Variants in CCDC171 observed in about 807,000 individuals in gnomAD.
CCDC171 encodes coiled-coil domain containing 171, also known as coiled-coil domain-containing protein 171.
A neutral mutation model predicts 168.2 loss-of-function variants in CCDC171; 177 were observed. The ratio of observed to expected loss-of-function variants is 1.05; its 90% confidence interval spans 0.93 to 1.19. The LOEUF is 1.19. CCDC171 is among the 50% of genes most tolerant of loss of function. CCDC171 has a pLI of 0.00. For synonymous variants in CCDC171, 687 were observed against 540.8 expected (o/e 1.27, Z -3.75); for missense variants, 1,991 against 1,539.0 (o/e 1.29, Z -4.91).
chr9:16,031,558 A>G (rs1833364177), intron 6 of CCDC171, among the ~76,000 whole-genome samples: 1 of 152,218 alleles, frequency 6.6e-6, no homozygotes, highest in Admixed American at 6.5e-5. Context: ...CAAGTTGTTC[A>G]TGGTCAGGGA....
intron 25 of CCDC171, among the ~76,000 whole-genome samples, chr9:15,940,312 C>G (rs1189775872): frequency 2.0e-5 from 3 of 151,998 alleles, no homozygotes; most frequent in Middle Eastern, 3.4e-3. Context: ...CTGTAGAACT[C>G]AGAATCTTAT....
intron 21 of CCDC171, among the ~76,000 whole-genome samples, chr9:15,793,976 T>G (rs1047367133): frequency 1.3e-5 from 2 of 151,472 alleles, no homozygotes; most frequent in African/African-American, 4.9e-5. Context: ...TTCCTTTAGG[T>G]TTTTTTTTCT....
At chr9:16,026,632 G>C (rs1462154774) in intron 6 of CCDC171, among the ~76,000 whole-genome samples, 1 of 152,178 alleles carries the variant, frequency 6.6e-6, no homozygotes, top group East Asian at 1.9e-4. Flanking sequence ...GGCTCCCACA[G>C]GGCTGAGTAA....
the CCDC171 span, among the ~76,000 whole-genome samples, chr9:16,106,968 C>T: frequency 6.6e-6 from 1 of 152,168 alleles, no homozygotes; most frequent in Non-Finnish European, 1.5e-5. Flanking sequence ...TCTTCTGCCT[C>T]CCCTAGCTCT....
At chr9:15,825,464 A>C (rs540403325) in intron 21 of CCDC171, among the ~76,000 whole-genome samples, 1 of 152,312 alleles carries the variant, frequency 6.6e-6, no homozygotes, top group Admixed American at 6.5e-5. Context: ...GAAATAAAAA[A>C]TAAATATAAA....
At chr9:16,087,052 C>A in the CCDC171 span, among the ~76,000 whole-genome samples, 1 of 152,212 alleles carries the variant, frequency 6.6e-6, no homozygotes, top group Non-Finnish European at 1.5e-5. Flanking sequence ...GAGTGAGTTT[C>A]TTCATCCTGA....
chr9:15,655,132 T>G (rs1339098855), intron 7 of CCDC171, among the ~76,000 whole-genome samples: 1 of 151,760 alleles, frequency 6.6e-6, no homozygotes, highest in Non-Finnish European at 1.5e-5. Context: ...TGTATACCTA[T>G]GTAACTAACC....
intron 7 of CCDC171, among the ~76,000 whole-genome samples, chr9:15,631,173 G>C (rs1434619959): frequency 6.6e-6 from 1 of 151,980 alleles, no homozygotes; most frequent in African/African-American, 2.4e-5. Flanking sequence ...ACTAAAATCA[G>C]AGCAGAACTG....
intron 18 of CCDC171, among the ~76,000 whole-genome samples, chr9:15,746,868 G>A (rs566923736): frequency 6.6e-6 from 1 of 152,174 alleles, no homozygotes; most frequent in African/African-American, 2.4e-5. Flanking sequence ...GTGAGAGACT[G>A]TACTGGGAGG....
At chr9:15,727,840 A>G in intron 14 of CCDC171, 29 bp from the exon 15 acceptor site, 2 of 1,577,936 alleles carry the variant, frequency 1.3e-6, no homozygotes, top group Non-Finnish European at 1.7e-6. Context: ...TATATACAGC[A>G]ATTAATTTTT....
intron 25 of CCDC171, among the ~76,000 whole-genome samples, chr9:15,942,119 T>C (rs1017796137): frequency 6.6e-6 from 1 of 151,954 alleles, no homozygotes; most frequent in Non-Finnish European, 1.5e-5. Context: ...ATAACATTAA[T>C]TGTATCATAT....
intron 6 of CCDC171, among the ~76,000 whole-genome samples, chr9:16,030,056 C>A (rs753971328): frequency 6.6e-6 from 1 of 152,146 alleles, no homozygotes. Context: ...GAGGGCAAGG[C>A]GGCTCTCTGG....
chr9:15,903,337 C>A (rs1245723903), intron 24 of CCDC171, among the ~76,000 whole-genome samples: 3 of 152,086 alleles, frequency 2.0e-5, no homozygotes, highest in African/African-American at 7.2e-5. Context: ...GACAAAACTT[C>A]CAGAGGAATG....
chr9:15,967,776 C>G (rs549679693), intron 25 of CCDC171, among the ~76,000 whole-genome samples: 1 of 152,186 alleles, frequency 6.6e-6, no homozygotes, highest in Non-Finnish European at 1.5e-5. Flanking sequence ...CCATGCAATA[C>G]TACTAAGGCT....
intron 6 of CCDC171, among the ~76,000 whole-genome samples, chr9:15,596,172 G>T (rs1016184023): frequency 6.6e-5 from 10 of 152,066 alleles, no homozygotes; most frequent in Admixed American, 6.6e-5. Flanking sequence ...GTCAATTTTG[G>T]CTTTTGTTGC....
intron 21 of CCDC171, among the ~76,000 whole-genome samples, chr9:15,789,074 C>A (rs899258842): frequency 6.6e-5 from 10 of 152,030 alleles, no homozygotes; most frequent in Admixed American, 5.2e-4. Flanking sequence ...AAAGTTAACA[C>A]CGTGAGTAGT....
intron 21 of CCDC171, among the ~76,000 whole-genome samples, chr9:15,841,874 T>G (rs1173770049): frequency 6.6e-6 from 1 of 152,108 alleles, no homozygotes; most frequent in Non-Finnish European, 1.5e-5. Flanking sequence ...ACCTGTACAG[T>G]TTGATCCACC....
At chr9:15,943,154 T>A (rs940359208) in intron 25 of CCDC171, among the ~76,000 whole-genome samples, 1 of 152,032 alleles carries the variant, frequency 6.6e-6, no homozygotes, top group African/African-American at 2.4e-5. Context: ...TCAGCATTGT[T>A]AACAGCTTTG....
At chr9:15,932,404 T>C (rs1826635346) in intron 25 of CCDC171, among the ~76,000 whole-genome samples, 1 of 151,946 alleles carries the variant, frequency 6.6e-6, no homozygotes, top group South Asian at 2.1e-4. Context: ...TATTTCTTTT[T>C]CAGATAGTTG....
Sources: gnomAD v4.1 joint callset for allele counts (sites outside exome capture counted in the v4.1 genomes callset) on GRCh38, gnomAD v4.1.1 for gene constraint, MANE v1.5 for transcripts, NCBI Gene and HGNC (gene_info 2026-07-23, HGNC 2026-07-21) for gene names.